The following ORC3 variants were observed in gnomAD, a reference collection of about 807,000 sequenced individuals.
The protein encoded by ORC3 is origin recognition complex subunit 3, also known as homolog of latheo, Drosophila.
A neutral mutation model predicts 100.7 loss-of-function variants in ORC3; 78 were observed. The observed-to-expected ratio is 0.77, with a 90% CI of 0.65 to 0.94. The LOEUF is 0.94. Among genes scored for constraint, ORC3 ranks in the 40% least tolerant of loss-of-function variants. The pLI is 0.00. For synonymous variants in ORC3, 295 were observed against 289.3 expected, an observed-to-expected ratio of 1.02 and a Z score of -0.20; for missense variants, 789 against 823.9, an observed-to-expected ratio of 0.96 and a Z score of 0.52.
chr6:87,643,285 C>G (rs1286895848), intron 13 of ORC3, among the ~76,000 whole-genome samples: 13 of 152,134 alleles, frequency 8.5e-5, no homozygotes, highest in Non-Finnish European at 1.9e-4. Flanking sequence ...TTCCCCAGAG[C>G]TTCTGTTGGG....
intron 3 of ORC3, among the ~76,000 whole-genome samples, chr6:87,602,985 A>AT (rs1387217000): frequency 6.0e-5 from 8 of 132,906 alleles, no homozygotes; most frequent in Admixed American, 7.9e-5. Flanking sequence ...ATATATATAC[A>AT]ATTTTTTTTT....
chr6:87,673,638 C>T, the ORC3 span, among the ~76,000 whole-genome samples: 5 of 151,732 alleles, frequency 3.3e-5, no homozygotes, highest in Admixed American at 1.3e-4. Flanking sequence ...GTCAAGAGAT[C>T]GAGACCATCC....
At chr6:87,653,593 G>GT (rs1356261993) in intron 14 of ORC3, among the ~76,000 whole-genome samples, 1 of 152,172 alleles carries the variant, frequency 6.6e-6, no homozygotes, top group African/African-American at 2.4e-5. Flanking sequence ...CTTTTTAGAG[G>GT]TTTTTTCTTA....
chr6:87,603,625 G>A, intron 4 of ORC3, 97 bp downstream of exon 4: 2 of 639,330 alleles, frequency 3.1e-6, no homozygotes, highest in Non-Finnish European at 5.1e-6. Flanking sequence ...CTGTTTTGAT[G>A]AGCCTATTTT....
chr6:87,608,217 C>G (rs1411327580), intron 6 of ORC3, among the ~76,000 whole-genome samples: 1 of 152,214 alleles, frequency 6.6e-6, no homozygotes, highest in East Asian at 1.9e-4. Flanking sequence ...TATCCACTGT[C>G]AACTTAGTTC....
intron 11 of ORC3, among the ~76,000 whole-genome samples, chr6:87,631,146 C>T (rs1767376300): frequency 6.6e-6 from 1 of 151,490 alleles, no homozygotes; most frequent in South Asian, 2.1e-4. Context: ...ACTATGGCCT[C>T]CCAAAGTGCT....
intron 13 of ORC3, among the ~76,000 whole-genome samples, chr6:87,639,859 G>T (rs906685340): frequency 1.3e-5 from 2 of 150,154 alleles, no homozygotes; most frequent in African/African-American, 2.5e-5. Flanking sequence ...AATTAGCCTG[G>T]CATGGTGGTG....
intron 9 of ORC3, among the ~76,000 whole-genome samples, chr6:87,620,269 A>C (rs1413102671): frequency 6.6e-6 from 1 of 152,232 alleles, no homozygotes; most frequent in East Asian, 1.9e-4. Flanking sequence ...ACTTTGACAT[A>C]ATTAGAAAAG....
At chr6:87,640,509 A>G (rs928335972) in intron 13 of ORC3, among the ~76,000 whole-genome samples, 5 of 152,138 alleles carry the variant, frequency 3.3e-5, no homozygotes, top group Middle Eastern at 3.2e-3. Context: ...ACATCCCTAT[A>G]TGGGATATGA....
chr6:87,671,320 T>C (rs1319977410), downstream of ORC3, among the ~76,000 whole-genome samples: 1 of 151,998 alleles, frequency 6.6e-6, no homozygotes, highest in African/African-American at 2.4e-5. Flanking sequence ...TATTTTAAGG[T>C]GGAACTAAGA....
At chr6:87,621,867 G>A (rs1779555982) in intron 10 of ORC3, 83 bp from the exon 11 acceptor site, 1 of 901,956 alleles carries the variant, frequency 1.1e-6, no homozygotes, top group South Asian at 1.5e-5. Flanking sequence ...ACCAATCTAG[G>A]TAGTTCTTTT....
At chr6:87,590,635 G>C (rs547936618) in intron 1 of ORC3, among the ~76,000 whole-genome samples, 1 of 152,330 alleles carries the variant, frequency 6.6e-6, no homozygotes, top group East Asian at 1.9e-4. Context: ...GACAACAGAA[G>C]AGTGGGAAGA....
chr6:87,657,805 A>T (rs1252150628), intron 15 of ORC3, 116 bp from the exon 16 acceptor site: 1 of 560,518 alleles, frequency 1.8e-6, no homozygotes, highest in Non-Finnish European at 3.3e-6. Context: ...CTTTCTCTGT[A>T]CATCCTGTCT....
chr6:87,601,886 A>G lies in ORC3; in HGVS notation c.177+5A>G, dbSNP rs758620814. 1.9e-6 allele frequency: 3 copies of G among 1,545,376 alleles called. No homozygotes were observed. Among genetic ancestry groups the G allele is most frequent in the Admixed American group, 1.7e-5 (1 of 59,426 alleles). ...CAGATGAAATCTGAAAATGAGGTGA[A>G]TACTTTTTTTAATAATTTTCTGTAA... is the stretch of plus-strand genomic sequence containing the variant. On this transcript the variant is annotated splice_donor_5th_base_variant and intron_variant, in intron 3 of 19. Coordinates refer to ENST00000392844, the MANE Select transcript of ORC3 (RefSeq NM_012381.4).
intron 13 of ORC3, chr6:87,650,921 C>T (rs1047145402): frequency 1.3e-5 from 4 of 306,326 alleles, no homozygotes; most frequent in Admixed American, 4.0e-5. Context: ...GCAGGAGAAT[C>T]GCTTGGACCT....
chr6:87,601,889 C>CT lies in ORC3; in HGVS notation c.177+15dup. The stretch of plus-strand genomic sequence containing the variant: ...ATGAAATCTGAAAATGAGGTGAATA[C>CT]TTTTTTTAATAATTTTCTGTAACAC... On this transcript the variant is annotated intron_variant, in intron 3 of 19. Coordinates refer to ENST00000392844, the MANE Select transcript of ORC3 (RefSeq NM_012381.4). The CT allele has an allele frequency of 3.3e-6, 5 of 1,508,008 alleles. No homozygotes were observed. Among genetic ancestry groups the CT allele is most frequent in the Non-Finnish European group, 4.6e-6 (5 of 1,084,506 alleles). The allele number at this position is 1,508,008 out of a possible 1,614,324, so 93.4% of individuals were successfully genotyped here.
intron 11 of ORC3, among the ~76,000 whole-genome samples, chr6:87,623,673 G>A (rs1583066874): frequency 6.6e-6 from 1 of 151,780 alleles, no homozygotes; most frequent in African/African-American, 2.4e-5. Flanking sequence ...CACTTGAGGT[G>A]AGGAGTTCAA....
At chr6:87,608,400 T>A (rs1160948399) in intron 6 of ORC3, among the ~76,000 whole-genome samples, 1 of 152,158 alleles carries the variant, frequency 6.6e-6, no homozygotes, top group Non-Finnish European at 1.5e-5. Context: ...ACTAGGTAAT[T>A]GCGTCATAAA....
chr6:87,676,861 G>C, the ORC3 span, among the ~76,000 whole-genome samples: 1 of 151,710 alleles, frequency 6.6e-6, no homozygotes, highest in East Asian at 1.9e-4. Context: ...CAGATCACGA[G>C]GTCAGGAGAT....
Sources: allele counts gnomAD v4.1 joint callset (sites outside exome capture counted in the v4.1 genomes callset), GRCh38; gene constraint gnomAD v4.1.1; transcripts MANE v1.5; gene names NCBI Gene and HGNC (gene_info 2026-07-23, HGNC 2026-07-21).